ERI1: variants seen among roughly 807,000 people sequenced by gnomAD.
The protein encoded by ERI1 is exoribonuclease 1, also known as 3'-5' exoribonuclease 1.
A neutral mutation model predicts 39.7 loss-of-function variants in ERI1; 39 were observed. That is an observed-to-expected ratio of 0.98 (90% CI 0.76 to 1.28). ERI1 has a LOEUF of 1.28. ERI1 is among the 50% of genes most tolerant of loss of function. ERI1 has a pLI of 0.00. For missense variants in ERI1, 581 were observed against 416.9 expected (o/e 1.39, Z -3.43); for synonymous variants, 204 against 149.6 (o/e 1.36, Z -2.65).
intron 3 of ERI1, among the ~76,000 whole-genome samples, chr8:9,069,147 G>A (rs552518999): frequency 1.8e-4 from 27 of 152,186 alleles, no homozygotes; most frequent in African/African-American, 6.0e-4. Context: ...AGGACAAAAG[G>A]GTTGTGGGGT....
intron 3 of ERI1, among the ~76,000 whole-genome samples, chr8:9,077,626 G>A (rs373588874): frequency 7.2e-5 from 11 of 152,228 alleles, no homozygotes; most frequent in African/African-American, 2.7e-4. Flanking sequence ...CAGAGAAAGT[G>A]TCTCAGGCAG....
chr8:9,043,758 G>C (rs946979188), intron 3 of ERI1, among the ~76,000 whole-genome samples: 4 of 152,172 alleles, frequency 2.6e-5, no homozygotes, highest in Non-Finnish European at 4.4e-5. Context: ...TCACTATCTT[G>C]CTCAGGCAGA....
chr8:9,065,527 C>T (rs903568603), intron 3 of ERI1, among the ~76,000 whole-genome samples: 4 of 151,968 alleles, frequency 2.6e-5, no homozygotes, highest in Non-Finnish European at 4.4e-5. Flanking sequence ...AACGCCGTCT[C>T]TACTAAAAAT....
intron 3 of ERI1, among the ~76,000 whole-genome samples, chr8:9,013,591 C>G (rs1377268395): frequency 6.6e-6 from 1 of 152,054 alleles, no homozygotes; most frequent in African/African-American, 2.4e-5. Flanking sequence ...AGTTCCATAG[C>G]TTTCAGAAGC....
Position 9,032,845 on chromosome 8 carries a change from C to G in ERI1, c.*2811C>G, listed in dbSNP as rs1055361214. 6.6e-6 allele frequency: 1 copy of G among 152,136 alleles called. No individual in the cohort carries two copies. Among genetic ancestry groups the G allele is most frequent in the Non-Finnish European group, 1.5e-5 (1 of 68,034 alleles). 9.4% of individuals were successfully genotyped at this position (152,136 alleles called of 1,614,324 possible). ...TGTAGTTGCCAAAGAAACTACCTGC[C>G]TCACAGATGAGCACGCACGGGTGCA... On this transcript the variant is annotated 3_prime_UTR_variant, in exon 7 of 7. Coordinates refer to ENST00000250263, the MANE Select transcript of ERI1 (RefSeq NM_153332.4).
At chr8:9,096,065 T>A (rs564904441) in intron 3 of ERI1, among the ~76,000 whole-genome samples, 115 of 152,208 alleles carry the variant, frequency 7.6e-4, no homozygotes, top group Non-Finnish European at 1.1e-3. Flanking sequence ...ACTGTCTAAA[T>A]GTATTGCTGA....
intron 2 of ERI1, among the ~76,000 whole-genome samples, chr8:9,009,316 C>T (rs1211218564): frequency 6.6e-6 from 1 of 151,964 alleles, no homozygotes; most frequent in Non-Finnish European, 1.5e-5. Flanking sequence ...GAGGTCTGGC[C>T]AGGTACAGCA....
At chr8:9,025,144 A>G (rs922218329) in intron 6 of ERI1, among the ~76,000 whole-genome samples, 4 of 152,180 alleles carry the variant, frequency 2.6e-5, no homozygotes, top group African/African-American at 9.7e-5. Flanking sequence ...AGATTCAGAG[A>G]AAGGATCCCT....
chr8:9,052,080 A>G (rs1041908475), intron 3 of ERI1, among the ~76,000 whole-genome samples: 2 of 152,240 alleles, frequency 1.3e-5, no homozygotes, highest in African/African-American at 2.4e-5. Context: ...AATAGTGTTT[A>G]GTGAATAATA....
chr8:9,061,626 G>A (rs3021416), intron 3 of ERI1, among the ~76,000 whole-genome samples: 60,514 of 152,134 alleles, frequency 0.4, 14,371 homozygotes, highest in East Asian at 0.69. Context: ...AATTCTGACC[G>A]CACTAACCAT....
At chr8:9,057,642 CTG>C (rs1457300362) in intron 3 of ERI1, among the ~76,000 whole-genome samples, 1 of 152,190 alleles carries the variant, frequency 6.6e-6, no homozygotes, top group Non-Finnish European at 1.5e-5. Flanking sequence ...TTTGTACGGA[CTG>C]TACATTCTAG....
chr8:9,067,382 ATGTG>A (rs10551937), intron 3 of ERI1, among the ~76,000 whole-genome samples: 64,180 of 143,736 alleles, frequency 0.45, 14,942 homozygotes, highest in East Asian at 0.62. Flanking sequence ...ACCTGTGTGC[ATGTG>A]TGTGTGTGTG....
At chr8:9,016,223 C>T in intron 3 of ERI1, 99 bp from the exon 4 acceptor site, 1 of 570,278 alleles carries the variant, frequency 1.8e-6, no homozygotes, top group South Asian at 3.5e-5. Flanking sequence ...CCGTGAGATC[C>T]TATGAAATTG....
At chr8:9,073,408 A>G (rs577141252) in intron 3 of ERI1, among the ~76,000 whole-genome samples, 1 of 152,360 alleles carries the variant, frequency 6.6e-6, no homozygotes, top group East Asian at 1.9e-4. Context: ...GAGAGAAGAT[A>G]CAGTTGGGGG....
chr8:9,007,638 C>G (rs1816160814), intron 1 of ERI1, among the ~76,000 whole-genome samples: 1 of 152,154 alleles, frequency 6.6e-6, no homozygotes, highest in African/African-American at 2.4e-5. Flanking sequence ...TAATACGTAG[C>G]TATCCAAAGT....
intron 6 of ERI1, 36 bp downstream of exon 6, chr8:9,020,500 A>C (rs1208330590): frequency 1.5e-6 from 2 of 1,321,958 alleles, no homozygotes; most frequent in Non-Finnish European, 1.1e-6. Flanking sequence ...CGTGGTTCTT[A>C]ATGATAAATT....
At chr8:9,014,584 C>G (rs1490146863) in intron 3 of ERI1, among the ~76,000 whole-genome samples, 1 of 152,164 alleles carries the variant, frequency 6.6e-6, no homozygotes, top group South Asian at 2.1e-4. Context: ...ATGTATAGTT[C>G]TCTCTAGCAT....
intron 3 of ERI1, among the ~76,000 whole-genome samples, chr8:9,061,361 C>G (rs1046835430): frequency 1.3e-5 from 2 of 152,068 alleles, no homozygotes; most frequent in Non-Finnish European, 1.5e-5. Flanking sequence ...TTGTGGGAGA[C>G]TCAACAAAGA....
chr8:9,021,752 G>A (rs1205677994), intron 6 of ERI1, among the ~76,000 whole-genome samples: 1 of 136,532 alleles, frequency 7.3e-6, no homozygotes, highest in Non-Finnish European at 1.6e-5. Context: ...GTATTATACT[G>A]GCTATATTAT....
Sources: allele counts gnomAD v4.1 joint callset (sites outside exome capture counted in the v4.1 genomes callset), GRCh38; gene constraint gnomAD v4.1.1; transcripts MANE v1.5; gene names NCBI Gene and HGNC (gene_info 2026-07-23, HGNC 2026-07-21).